The following AGPAT3 variants were observed in gnomAD, a reference collection of about 807,000 sequenced individuals.
The protein encoded by AGPAT3 is 1-acylglycerol-3-phosphate O-acyltransferase 3.
Under a neutral mutation model 47.3 loss-of-function variants are expected in AGPAT3, and 5 were observed. That is an observed-to-expected ratio of 0.11 (90% CI 0.06 to 0.22). The LOEUF (loss-of-function observed/expected upper bound fraction) is 0.22, where lower values mean the gene tolerates loss of function less well. Ranked by LOEUF, AGPAT3 falls within the 10% of genes least tolerant of loss-of-function variation. AGPAT3 has a pLI of 1.00. For synonymous variants in AGPAT3, 212 were observed against 208.3 expected (o/e 1.02, Z -0.15); for missense variants, 315 against 493.0 (o/e 0.64, Z 3.42).
chr21:43,984,214 C>T lies in AGPAT3; in HGVS notation c.*1822C>T, dbSNP rs2030016006. ...CCCTCCATCTGAAATCTCATCCCTC[C>T]ACCCGCCCACTCGGGCAGCTGTGCC... On this transcript the variant is annotated 3_prime_UTR_variant, in exon 10 of 10. Transcript: ENST00000291572. 6.6e-6 allele frequency: 1 copy of T among 152,418 alleles called. No homozygotes were observed. The allele number at this position is 152,418 out of a possible 1,614,324, so 9.4% of individuals were successfully genotyped here.
rs960985366 is a variant in AGPAT3, at chr21:43,922,958, G to A, written c.-49+18939G>A. 2.0e-5 allele frequency among the ~76,000 whole-genome samples: 3 copies of A among 152,224 alleles called. No homozygotes were observed. Among genetic ancestry groups the A allele is most frequent in the Admixed American group, 6.5e-5 (1 of 15,294 alleles). ...GCTCTGGGGTGCGAGCGTCTGTTCT[G>A]TGTCAGGAGTCCCTGTTTCTTTCTC... On this transcript the variant is annotated intron_variant, in intron 2 of 9. Coordinates refer to ENST00000291572, the MANE Select transcript of AGPAT3 (RefSeq NM_020132.5). This position sits in a 1 kb window ranked among gnomAD's most constrained non-coding sequence, Gnocchi z 4.9.
intron 2 of AGPAT3, chr21:43,919,908 C>G (rs1238497733): frequency 6.6e-6 from 1 of 152,234 alleles, no homozygotes; most frequent in Non-Finnish European, 1.5e-5. Context: ...GCATGGGTGT[C>G]TCTGTTTTCT....
Position 43,984,162 on chromosome 21 carries a change from A to G in AGPAT3, c.*1770A>G, listed in dbSNP as rs984661429. The G allele has an allele frequency of 1.3e-5, 2 of 152,296 alleles. No homozygotes were observed. Among genetic ancestry groups the G allele is most frequent in the African/African-American group, 4.8e-5 (2 of 41,470 alleles). 9.4% of individuals were successfully genotyped at this position (152,296 alleles called of 1,614,324 possible). On this transcript the variant is annotated 3_prime_UTR_variant, in exon 10 of 10. Transcript: ENST00000291572. ...ACGACACCATGCGAGACACGCTTGC[A>G]GACACTGTTGTTTTGGAAATGTGCT...
intron 2 of AGPAT3, among the ~76,000 whole-genome samples, chr21:43,928,507 AG>A (rs2087131508): frequency 6.6e-6 from 1 of 152,224 alleles, no homozygotes; most frequent in African/African-American, 2.4e-5. Context: ...CTGGGGACAG[AG>A]GCCTCTGCTT....
chr21:43,941,553 A>G (rs895947674), intron 2 of AGPAT3, among the ~76,000 whole-genome samples: 1 of 152,198 alleles, frequency 6.6e-6, no homozygotes, highest in Non-Finnish European at 1.5e-5. Flanking sequence ...TCTCTAAAAA[A>G]CAAACAGAAC....
rs1440756246 is a variant in AGPAT3, at chr21:43,970,395, T to G, written c.511-258T>G. 6.6e-6 allele frequency among the ~76,000 whole-genome samples: 1 copy of G among 152,214 alleles called. No individual in the cohort carries two copies. Among genetic ancestry groups the G allele is most frequent in the Non-Finnish European group, 1.5e-5 (1 of 68,042 alleles). On this transcript the variant is annotated intron_variant, in intron 5 of 9. Transcript: ENST00000291572. This position sits in a 1 kb window ranked among gnomAD's most constrained non-coding sequence, Gnocchi z 5.8. The stretch of plus-strand genomic sequence containing the variant: ...TCAGAGGCTGCTGCCCCAACACACC[T>G]TCATGTTTCACTTCTTTCTGGAAAG...
rs1252849235 is a variant in AGPAT3, at chr21:43,932,800, G to A, written c.-48-26834G>A. Among the ~76,000 whole-genome samples, 5 of 152,272 alleles carry A rather than the reference G, an allele frequency of 3.3e-5. No homozygotes were observed. The highest frequency in any genetic ancestry group is 3.9e-4 in the East Asian group (2 of 5,180). Reference sequence around the variant, plus strand: ...CGAGTAGCTGGGATTACAGACGCCCGCCACCATGCCGGGCTAATTTTGTAT... The same window carrying A: ...CGAGTAGCTGGGATTACAGACGCCCACCACCATGCCGGGCTAATTTTGTAT... On this transcript the variant is annotated intron_variant, in intron 2 of 9. Coordinates refer to ENST00000291572, the MANE Select transcript of AGPAT3 (RefSeq NM_020132.5). The surrounding 1 kb of genome is among the most constrained non-coding windows in gnomAD (Gnocchi z 5.2).
chr21:43,985,219 G>A lies in AGPAT3; in HGVS notation c.*2827G>A, dbSNP rs1280284704. 6.6e-6 allele frequency: 3 copies of A among 456,096 alleles called. No individual in the cohort carries two copies. Among genetic ancestry groups the A allele is most frequent in the African/African-American group, 2.0e-5 (1 of 50,046 alleles). 28.3% of individuals were successfully genotyped at this position (456,096 alleles called of 1,614,324 possible). A position where few individuals can be genotyped will look rare whatever the true frequency, so the allele number is the denominator to read the frequency against. On this transcript the variant is annotated 3_prime_UTR_variant, in exon 10 of 10. Coordinates refer to ENST00000291572, the MANE Select transcript of AGPAT3 (RefSeq NM_020132.5). ...CAAGGATGCCATTGCTGTCTTCATC[G>A]TCTTCCCCCGTGTGAGACACTGGTT...
In AGPAT3 at chr21:43,880,237, C is replaced by T. The variant is rs536608139; in HGVS notation, c.-112+14892C>T. On this transcript the variant is annotated intron_variant, in intron 1 of 9. Coordinates refer to ENST00000291572, the MANE Select transcript of AGPAT3 (RefSeq NM_020132.5). The surrounding 1 kb of genome is among the most constrained non-coding windows in gnomAD (Gnocchi z 4.5). ...GTCCGATTTCCCTGCTGCTGAATCACTTCATGGCTCAGCACAGCTGAGGGC... is the reference window on the plus strand; with the variant it reads ...GTCCGATTTCCCTGCTGCTGAATCATTTCATGGCTCAGCACAGCTGAGGGC... Among the ~76,000 whole-genome samples, 1 of 152,334 alleles carries T rather than the reference C, an allele frequency of 6.6e-6. No homozygotes were observed. Among genetic ancestry groups the T allele is most frequent in the African/African-American group, 2.4e-5 (1 of 41,576 alleles).
chr21:43,985,761 A>G lies in AGPAT3; in HGVS notation c.*3369A>G, dbSNP rs1426470751. 1 of 163,220 alleles carries G rather than the reference A, an allele frequency of 6.1e-6. No individual in the cohort carries two copies. The highest frequency in any genetic ancestry group is 2.4e-5 in the African/African-American group (1 of 41,568). The allele number at this position is 163,220 out of a possible 1,614,324, so 10.1% of individuals were successfully genotyped here. ...ATTTTCACCTGACTTGTTCAGCCCC[A>G]TGCGTAGACTCCCGCTGCAGGCCTC... is the stretch of plus-strand genomic sequence containing the variant. On this transcript the variant is annotated 3_prime_UTR_variant, in exon 10 of 10. Transcript: ENST00000291572.
intron 1 of AGPAT3, among the ~76,000 whole-genome samples, chr21:43,879,296 G>A (rs571913489): frequency 1.4e-5 from 2 of 147,726 alleles, no homozygotes; most frequent in Non-Finnish European, 3.0e-5. Context: ...GTTGCAGTGC[G>A]CTGAGATTGT....
intron 2 of AGPAT3, among the ~76,000 whole-genome samples, chr21:43,940,673 C>T (rs926909255): frequency 9.9e-5 from 15 of 152,248 alleles, no homozygotes; most frequent in Non-Finnish European, 1.9e-4. Context: ...TCCCACTGCC[C>T]CCCAAGGCAG....
Position 43,930,287 on chromosome 21 carries a change from A to G in AGPAT3, c.-49+26268A>G, listed in dbSNP as rs1036277789. Among the ~76,000 whole-genome samples the G allele has an allele frequency of 6.6e-5, 10 of 152,048 alleles. No individual in the cohort carries two copies. The highest frequency in any genetic ancestry group is 1.9e-4 in the East Asian group (1 of 5,176). ...GTAGGGGGCTCTGGTGCCAATACCAATGCAGCCCGGTTCCCTGTCCTGGGC... is the reference window on the plus strand; with the variant it reads ...GTAGGGGGCTCTGGTGCCAATACCAGTGCAGCCCGGTTCCCTGTCCTGGGC... On this transcript the variant is annotated intron_variant, in intron 2 of 9. Coordinates refer to ENST00000291572, the MANE Select transcript of AGPAT3 (RefSeq NM_020132.5). This position sits in a 1 kb window ranked among gnomAD's most constrained non-coding sequence, Gnocchi z 5.0.
chr21:43,944,144 C>T (rs901081197), intron 2 of AGPAT3, among the ~76,000 whole-genome samples: 1 of 152,256 alleles, frequency 6.6e-6, no homozygotes, highest in Non-Finnish European at 1.5e-5. Flanking sequence ...GTGCTAGGGC[C>T]CCAGCATTTC....
At chr21:43,929,460 C>T (rs970867788) in intron 2 of AGPAT3, among the ~76,000 whole-genome samples, 1 of 152,242 alleles carries the variant, frequency 6.6e-6, no homozygotes, top group Admixed American at 6.5e-5. Context: ...AGCCTTCCCA[C>T]GGTGGGACTT....
At chr21:43,944,249 GC>G (rs1355747917) in intron 2 of AGPAT3, among the ~76,000 whole-genome samples, 2 of 152,286 alleles carry the variant, frequency 1.3e-5, no homozygotes, top group African/African-American at 4.8e-5. Context: ...CCACTCTGGA[GC>G]GATGGCTATT....
chr21:43,972,043 G>A (rs2089418677), intron 7 of AGPAT3, among the ~76,000 whole-genome samples: 1 of 152,238 alleles, frequency 6.6e-6, no homozygotes, highest in Non-Finnish European at 1.5e-5. Flanking sequence ...CAGCGCTGGT[G>A]ATGGGAGTGG....
intron 1 of AGPAT3, among the ~76,000 whole-genome samples, chr21:43,885,115 C>T (rs2085944412): frequency 6.6e-6 from 1 of 152,232 alleles, no homozygotes; most frequent in African/African-American, 2.4e-5. Flanking sequence ...ACTGGCCGGC[C>T]GTGCTCCCCT....
intron 2 of AGPAT3, among the ~76,000 whole-genome samples, chr21:43,919,339 T>G (rs1219308299): frequency 6.6e-6 from 1 of 152,186 alleles, no homozygotes; most frequent in East Asian, 1.9e-4. Context: ...GTCCATTATA[T>G]CACTCTATGT....
Sources: allele counts gnomAD v4.1 joint callset (sites outside exome capture counted in the v4.1 genomes callset), GRCh38; gene constraint gnomAD v4.1.1; non-coding constraint Gnocchi (gnomAD v3.1); transcripts MANE v1.5; gene names NCBI Gene and HGNC (gene_info 2026-07-23, HGNC 2026-07-21).